RTN1: variants seen among roughly 807,000 people sequenced by gnomAD.
RTN1 encodes reticulon-1.
In RTN1, 25 loss-of-function variants were observed where a neutral mutation model predicts 65.5. The ratio of observed to expected loss-of-function variants is 0.38; its 90% CI spans 0.28 to 0.53. The LOEUF (loss-of-function observed/expected upper bound fraction) is 0.53. Ranked by LOEUF, RTN1 falls within the 20% of genes least tolerant of loss-of-function variation. The pLI is 0.79. For missense variants in RTN1, 983 were observed against 1,025.4 expected (o/e 0.96, Z 0.57); for synonymous variants, 471 against 447.6 (o/e 1.05, Z -0.66).
At chr14:59,819,842 A>C (rs1041975194) in intron 1 of RTN1, among the ~76,000 whole-genome samples, 1 of 152,052 alleles carries the variant, frequency 6.6e-6, no homozygotes, top group East Asian at 1.9e-4. Flanking sequence ...CTGGGCCGGT[A>C]GCGCCAGCCA....
Position 59,868,304 on chromosome 14 carries a change from T to C in RTN1, c.241+2086A>G, listed in dbSNP as rs1054695435. On this transcript the variant is annotated intron_variant, in intron 1 of 8. Coordinates refer to ENST00000267484, the MANE Select transcript of RTN1 (RefSeq NM_021136.3). The surrounding 1 kb of genome is among the most constrained non-coding windows in gnomAD (Gnocchi z 4.0). Reference sequence around the variant, plus strand: ...ACAATCATAAACTAAAAAATTTCTATATAAATATGCAAAATATGTGCTCCT... The same window carrying C: ...ACAATCATAAACTAAAAAATTTCTACATAAATATGCAAAATATGTGCTCCT... Among the ~76,000 whole-genome samples the C allele has an allele frequency of 6.6e-6, 1 of 152,206 alleles. No individual in the cohort carries two copies. The highest frequency in any genetic ancestry group is 6.5e-5 in the Admixed American group (1 of 15,278).
At chr14:59,842,505 G>C (rs1330381880) in intron 1 of RTN1, among the ~76,000 whole-genome samples, 1 of 151,892 alleles carries the variant, frequency 6.6e-6, no homozygotes, top group East Asian at 1.9e-4. Context: ...GACATAGCTA[G>C]CACCATTCTA....
At position 59,654,871 on chromosome 14, in the gene RTN1, A is replaced by G. The variant is rs570471302; in HGVS notation, c.1766-47379T>C. Among the ~76,000 whole-genome samples, 5 of 152,342 alleles carry G rather than the reference A, an allele frequency of 3.3e-5. No individual in the cohort carries two copies. In the East Asian group the frequency reaches 5.8e-4, roughly 18 times the overall value. On this transcript the variant is annotated intron_variant, in intron 3 of 8. Transcript: ENST00000267484. ...TGGCAATTATGATATTTAATGGTGA[A>G]AGATTGGAAGATTTTCTCCTAATAT...
intron 3 of RTN1, among the ~76,000 whole-genome samples, chr14:59,718,376 G>C (rs1884581458): frequency 6.6e-6 from 1 of 152,194 alleles, no homozygotes; most frequent in South Asian, 2.1e-4. Flanking sequence ...TCTAACTTTA[G>C]CCTCTGACTT....
chr14:59,663,784 C>T (rs553059959), intron 3 of RTN1, among the ~76,000 whole-genome samples: 73 of 152,154 alleles, frequency 4.8e-4, no homozygotes, highest in Non-Finnish European at 8.1e-4. Flanking sequence ...GAGATACCAT[C>T]TCATGCCAGT....
At chr14:59,611,866 T>C (rs1881961997) in intron 3 of RTN1, among the ~76,000 whole-genome samples, 1 of 152,126 alleles carries the variant, frequency 6.6e-6, no homozygotes, top group Admixed American at 6.5e-5. Flanking sequence ...GTGGAAGGGA[T>C]CTCAGAGACG....
chr14:59,739,509 C>T (rs1885072372), intron 2 of RTN1, among the ~76,000 whole-genome samples: 1 of 150,086 alleles, frequency 6.7e-6, no homozygotes, highest in South Asian at 2.1e-4. Flanking sequence ...CCACTGCACT[C>T]CAGCCTGGGC....
At chr14:59,720,097 G>C (rs543271048) in intron 3 of RTN1, among the ~76,000 whole-genome samples, 1 of 152,050 alleles carries the variant, frequency 6.6e-6, no homozygotes, top group Non-Finnish European at 1.5e-5. Flanking sequence ...TATTACCAAG[G>C]TACAATAACC....
At chr14:59,697,822 T>C (rs1046478786) in intron 3 of RTN1, among the ~76,000 whole-genome samples, 16 of 152,030 alleles carry the variant, frequency 1.1e-4, no homozygotes, top group African/African-American at 2.7e-4. Flanking sequence ...TCAGTAGAAA[T>C]TGGGTGTGCA....
intron 3 of RTN1, among the ~76,000 whole-genome samples, chr14:59,724,345 A>C (rs1197153401): frequency 6.6e-6 from 1 of 152,234 alleles, no homozygotes; most frequent in Admixed American, 6.5e-5. Context: ...GTCAAACCTT[A>C]TCCTAAATAT....
chr14:59,802,995 G>GA lies in RTN1; in HGVS notation c.242-56515dup, dbSNP rs34869010. ...ACATTTAATTTTCTCAGCTTTCACT[G>GA]AAAAAAAAAAACCCTACACAACAAT... On this transcript the variant is annotated intron_variant, in intron 1 of 8. Coordinates refer to ENST00000267484, the MANE Select transcript of RTN1 (RefSeq NM_021136.3). Among the ~76,000 whole-genome samples the GA allele has an allele frequency of 4.4e-3, 634 of 143,412 alleles. 13 individuals carry two copies. In the East Asian group the frequency reaches 0.053, roughly 12 times the overall value. The allele number at this position is 143,412 out of a possible 152,430, so 94.1% of individuals were successfully genotyped here. A position where few individuals can be genotyped will look rare whatever the true frequency, so the allele number is the denominator to read the frequency against.
chr14:59,726,873 C>G (rs1184135802), intron 3 of RTN1, 46 bp downstream of exon 3: 1 of 1,534,996 alleles, frequency 6.5e-7, no homozygotes, highest in African/African-American at 1.4e-5. Context: ...CTCAGAGCAC[C>G]CAGAGGGAGG....
At chr14:59,739,299 T>C (rs1594711838) in intron 2 of RTN1, among the ~76,000 whole-genome samples, 2 of 152,150 alleles carry the variant, frequency 1.3e-5, no homozygotes, top group Admixed American at 6.5e-5. Flanking sequence ...GGCGGGCAGA[T>C]CACCTGAGGC....
At chr14:59,786,108 G>T (rs2139581517) in intron 1 of RTN1, among the ~76,000 whole-genome samples, 1 of 152,280 alleles carries the variant, frequency 6.6e-6, no homozygotes, top group East Asian at 1.9e-4. Flanking sequence ...AGAAGTCAAT[G>T]TCCCAGTGAG....
intron 1 of RTN1, among the ~76,000 whole-genome samples, chr14:59,778,212 C>T (rs953506636): frequency 2.0e-5 from 3 of 152,136 alleles, no homozygotes; most frequent in Non-Finnish European, 4.4e-5. Context: ...GGCTTTCAAT[C>T]ACAGTTGTAA....
At position 59,836,569 on chromosome 14, in the gene RTN1, C is replaced by T. The variant is rs144171022; in HGVS notation, c.241+33821G>A. Among the ~76,000 whole-genome samples the T allele has an allele frequency of 2.1e-3, 323 of 152,278 alleles. No homozygotes were observed. The highest frequency in any genetic ancestry group is 3.4e-3 in the Non-Finnish European group (229 of 68,034). ...AAATTGATGAAACCAGGAGGGAGGACATCCCAGATTTTTAAAATCATATGA... is the reference window on the plus strand; with the variant it reads ...AAATTGATGAAACCAGGAGGGAGGATATCCCAGATTTTTAAAATCATATGA... On this transcript the variant is annotated intron_variant, in intron 1 of 8. Coordinates refer to ENST00000267484, the MANE Select transcript of RTN1 (RefSeq NM_021136.3). This position sits in a 1 kb window ranked among gnomAD's most constrained non-coding sequence, Gnocchi z 4.9.
At chr14:59,725,170 G>T (rs182062966) in intron 3 of RTN1, among the ~76,000 whole-genome samples, 26 of 152,306 alleles carry the variant, frequency 1.7e-4, no homozygotes, top group Admixed American at 1.4e-3. Context: ...CATCTCCTCA[G>T]CTCTTCATCA....
intron 1 of RTN1, among the ~76,000 whole-genome samples, chr14:59,812,715 T>G (rs182499009): frequency 5.9e-5 from 9 of 152,338 alleles, no homozygotes; most frequent in Non-Finnish European, 1.3e-4. Flanking sequence ...ACACAAAATT[T>G]GTGTTATGCT....
intron 3 of RTN1, among the ~76,000 whole-genome samples, chr14:59,628,785 G>A (rs946227364): frequency 2.0e-5 from 3 of 152,048 alleles, no homozygotes; most frequent in African/African-American, 7.2e-5. Context: ...ATAAACTGAG[G>A]CAACCGAGTC....
Sources: gnomAD v4.1 joint callset for allele counts (sites outside exome capture counted in the v4.1 genomes callset) on GRCh38, gnomAD v4.1.1 for gene constraint, Gnocchi (gnomAD v3.1) non-coding constraint, MANE v1.5 for transcripts, NCBI Gene and HGNC (gene_info 2026-07-23, HGNC 2026-07-21) for gene names.